NALCN: variants seen among roughly 807,000 people sequenced by gnomAD.
The protein encoded by NALCN is sodium leak channel, non-selective, also known as sodium leak channel NALCN.
Under a neutral mutation model 225.3 loss-of-function variants are expected in NALCN, and 111 were observed. That is an observed-to-expected ratio of 0.49 (90% CI 0.42 to 0.58). NALCN has a LOEUF of 0.58. NALCN is among the 20% of genes least tolerant of loss of function. The pLI is 0.00. For synonymous variants in NALCN, 764 were observed against 769.0 expected, an observed-to-expected ratio of 0.99 and a Z score of 0.11; for missense variants, 1,378 against 2,202.4, an observed-to-expected ratio of 0.63 and a Z score of 7.49.
chr13:101,241,772 C>T (rs2041767185), intron 11 of NALCN, among the ~76,000 whole-genome samples: 1 of 152,030 alleles, frequency 6.6e-6, no homozygotes, highest in Admixed American at 6.6e-5. Flanking sequence ...TGCCAGGGGT[C>T]AAGGTCCAGA....
intron 6 of NALCN, among the ~76,000 whole-genome samples, chr13:101,370,712 A>G (rs1267258670): frequency 2.0e-5 from 3 of 152,224 alleles, no homozygotes; most frequent in African/African-American, 7.2e-5. Context: ...GCTTAACCAT[A>G]TGAAAAATTA....
At chr13:101,403,377 A>G (rs889985720) in intron 1 of NALCN, among the ~76,000 whole-genome samples, 1 of 152,172 alleles carries the variant, frequency 6.6e-6, no homozygotes, top group South Asian at 2.1e-4. Context: ...TAAACATACC[A>G]TTATTCACCA....
At chr13:101,387,114 G>A (rs1449581894) in intron 3 of NALCN, among the ~76,000 whole-genome samples, 1 of 150,582 alleles carries the variant, frequency 6.6e-6, no homozygotes. Context: ...CCAGCTACTC[G>A]GGAGGCTGAG....
At position 101,367,251 on chromosome 13, in the gene NALCN, G is replaced by T. The variant is rs74117896; in HGVS notation, c.644+9449C>A. 7.6e-3 allele frequency among the ~76,000 whole-genome samples: 1,154 copies of T among 151,724 alleles called. 15 individuals are homozygous for T. Among genetic ancestry groups the T allele is most frequent in the African/African-American group, 0.026 (1,096 of 41,390 alleles). Reference sequence around the variant, plus strand: ...GGCCAGCATTCTATTATACATCCTAGTACTCTATTACATTGTTTCATCTGA... The same window carrying T: ...GGCCAGCATTCTATTATACATCCTATTACTCTATTACATTGTTTCATCTGA... On this transcript the variant is annotated intron_variant, in intron 6 of 43. Transcript: ENST00000251127.
At position 101,104,803 on chromosome 13, in the gene NALCN, A is replaced by C; in HGVS notation, c.2636+91T>G. The C allele has an allele frequency of 6.4e-7, 1 of 1,562,990 alleles. No individual in the cohort carries two copies. The highest frequency in any genetic ancestry group is 8.8e-7 in the Non-Finnish European group (1 of 1,138,870). On this transcript the variant is annotated intron_variant, in intron 23 of 43. Transcript: ENST00000251127. This position sits in a 1 kb window ranked among gnomAD's most constrained non-coding sequence, Gnocchi z 4.2. ...TATTTCATAGCACTATATAGCAAGA[A>C]AATAAAAGAGAATTTTAATCGTTGT...
At chr13:101,061,031 G>A (rs1367888721) in intron 41 of NALCN, among the ~76,000 whole-genome samples, 1 of 152,198 alleles carries the variant, frequency 6.6e-6, no homozygotes. Context: ...AACAATCTCT[G>A]TTATATATAA....
intron 9 of NALCN, among the ~76,000 whole-genome samples, chr13:101,291,214 T>C (rs543308796): frequency 6.6e-6 from 1 of 152,232 alleles, no homozygotes; most frequent in African/African-American, 2.4e-5. Flanking sequence ...GAGGGATCTT[T>C]TTCATAGTTT....
At chr13:101,367,975 A>C (rs1026793776) in intron 6 of NALCN, among the ~76,000 whole-genome samples, 6 of 143,966 alleles carry the variant, frequency 4.2e-5, no homozygotes, top group Non-Finnish European at 9.0e-5. Flanking sequence ...TCTTTTTTTG[A>C]CTTTTTTGAA....
At chr13:101,101,541 A>G (rs534573831) in intron 26 of NALCN, among the ~76,000 whole-genome samples, 1 of 152,280 alleles carries the variant, frequency 6.6e-6, no homozygotes, top group African/African-American at 2.4e-5. Context: ...TGGGCCTCTC[A>G]AAGTGCTGGG....
intron 10 of NALCN, among the ~76,000 whole-genome samples, chr13:101,273,692 T>C (rs2042874941): frequency 6.6e-6 from 1 of 151,984 alleles, no homozygotes; most frequent in African/African-American, 2.4e-5. Flanking sequence ...GAGACCATCC[T>C]GGCTAACACA....
Position 101,062,200 on chromosome 13 carries a change from A to G in NALCN, c.4605-82T>C, listed in dbSNP as rs2032008511. The G allele has an allele frequency of 2.0e-6, 3 of 1,494,164 alleles. No homozygotes were observed. In the East Asian group the frequency reaches 7.1e-5, roughly 35 times the overall value. 92.6% of individuals were successfully genotyped at this position (1,494,164 alleles called of 1,614,324 possible). Reference sequence around the variant, plus strand: ...TTAGATACGTCAAAATCCAGAGAGGACATCACTCAGTCTAATAAGTCTAGT... The same window carrying G: ...TTAGATACGTCAAAATCCAGAGAGGGCATCACTCAGTCTAATAAGTCTAGT... On this transcript the variant is annotated intron_variant, in intron 40 of 43. Transcript: ENST00000251127.
chr13:101,107,405 C>A, intron 22 of NALCN, 82 bp downstream of exon 22: 1 of 1,599,218 alleles, frequency 6.3e-7, no homozygotes. Context: ...TAGGATTACA[C>A]GTTCCTTCTT....
chr13:101,237,965 A>G, intron 11 of NALCN, 43 bp from the exon 12 acceptor site: 2 of 1,524,730 alleles, frequency 1.3e-6, no homozygotes, highest in Non-Finnish European at 1.8e-6. Context: ...TCAGAACTAT[A>G]ATTTATTCTA....
At chr13:101,057,690 A>G (rs2031432769) in intron 43 of NALCN, 4 of 494,794 alleles carry the variant, frequency 8.1e-6, no homozygotes, top group Non-Finnish European at 1.1e-5. Flanking sequence ...TGTCTTTTTC[A>G]TAGGTGCTGG....
chr13:101,202,962 G>A (rs1346293061), intron 13 of NALCN, among the ~76,000 whole-genome samples: 2 of 152,166 alleles, frequency 1.3e-5, no homozygotes, highest in Non-Finnish European at 2.9e-5. Flanking sequence ...CACAGCGTCT[G>A]AGTCTAAGTC....
chr13:101,182,809 T>A (rs1414507988), intron 14 of NALCN, among the ~76,000 whole-genome samples: 1 of 152,132 alleles, frequency 6.6e-6, no homozygotes, highest in Non-Finnish European at 1.5e-5. Context: ...AGTCTGTAGC[T>A]GATTGCCAGG....
intron 13 of NALCN, among the ~76,000 whole-genome samples, chr13:101,224,721 G>T (rs1566454196): frequency 6.6e-6 from 1 of 152,044 alleles, no homozygotes. Context: ...CACTTCCAGG[G>T]CCAATCGGGC....
At chr13:101,329,720 C>T (rs917816770) in intron 7 of NALCN, among the ~76,000 whole-genome samples, 1 of 152,118 alleles carries the variant, frequency 6.6e-6, no homozygotes, top group East Asian at 1.9e-4. Flanking sequence ...AGGAAAATTG[C>T]ATCATTACAT....
intron 6 of NALCN, among the ~76,000 whole-genome samples, chr13:101,347,608 TA>T (rs2045781471): frequency 6.6e-6 from 1 of 152,210 alleles, no homozygotes; most frequent in Non-Finnish European, 1.5e-5. Context: ...ACCTACAATA[TA>T]ACAGTAAGAT....
Sources: gnomAD v4.1 joint callset for allele counts (sites outside exome capture counted in the v4.1 genomes callset) on GRCh38, gnomAD v4.1.1 for gene constraint, Gnocchi (gnomAD v3.1) non-coding constraint, MANE v1.5 for transcripts, NCBI Gene and HGNC (gene_info 2026-07-23, HGNC 2026-07-21) for gene names.